The following KPNA4 variants were observed in gnomAD, a reference collection of about 807,000 sequenced individuals.
The protein encoded by KPNA4 is importin subunit alpha-3.
KPNA4 carries 13 observed loss-of-function variants against 71.3 expected under a neutral mutation model. The observed-to-expected ratio is 0.18, with a 90% CI of 0.12 to 0.29. KPNA4 has a LOEUF of 0.29. Ranked by LOEUF, KPNA4 falls within the 10% of genes least tolerant of loss-of-function variation. KPNA4 has a pLI of 1.00. For synonymous variants in KPNA4, 189 were observed against 195.2 expected (o/e 0.97, Z 0.26); for missense variants, 334 against 603.2 (o/e 0.55, Z 4.67).
At chr3:160,508,024 T>A in intron 15 of KPNA4, 83 bp downstream of exon 15, 1 of 1,038,252 alleles carries the variant, frequency 9.6e-7, no homozygotes, top group Non-Finnish European at 1.4e-6. Context: ...CAGAAAAATA[T>A]AGATGTGCTA....
In KPNA4 at chr3:160,499,292, C is replaced by T. The variant is rs1720831757; in HGVS notation, c.*2812G>A. ...TTTAAAGATAGATTTTAGACTAGGG[C>T]GTCTCACACACCCCTAATATAACAT... is the stretch of plus-strand genomic sequence containing the variant. On this transcript the variant is annotated 3_prime_UTR_variant, in exon 17 of 17. Transcript: ENST00000334256. The T allele has an allele frequency of 6.6e-6, 1 of 152,038 alleles. No homozygotes were observed. The allele number at this position is 152,038 out of a possible 1,614,324, so 9.4% of individuals were successfully genotyped here.
Position 160,509,885 on chromosome 3 carries a change from A to G in KPNA4, c.1138-14T>C. 1 of 1,592,128 alleles carries G rather than the reference A, an allele frequency of 6.3e-7. No homozygotes were observed. The highest frequency in any genetic ancestry group is 8.6e-7 in the Non-Finnish European group (1 of 1,161,596). ...GCCAAAATCCCCCTGTAAAAAGGCA[A>G]AACAAAGGCTATAAAAATTGCCACA... On this transcript the variant is annotated splice_polypyrimidine_tract_variant and intron_variant, in intron 13 of 16. Transcript: ENST00000334256.
chr3:160,548,147 G>GA (rs1317248044), intron 1 of KPNA4, among the ~76,000 whole-genome samples: 1 of 152,116 alleles, frequency 6.6e-6, no homozygotes, highest in Non-Finnish European at 1.5e-5. Flanking sequence ...AACCAACAAT[G>GA]AATCAGAGTT....
At chr3:160,518,639 C>T (rs1043278186) in intron 11 of KPNA4, among the ~76,000 whole-genome samples, 1 of 151,536 alleles carries the variant, frequency 6.6e-6, no homozygotes, top group African/African-American at 2.4e-5. Flanking sequence ...GCGGGTGGAT[C>T]ACCTGAGGTC....
chr3:160,562,519 CTGA>C (rs1186655536), intron 1 of KPNA4, among the ~76,000 whole-genome samples: 1 of 152,094 alleles, frequency 6.6e-6, no homozygotes, highest in African/African-American at 2.4e-5. Flanking sequence ...TGTAAGTAGG[CTGA>C]TAAGTGCTTA....
At position 160,510,225 on chromosome 3, in the gene KPNA4, A is replaced by C. The variant is rs1037762078; in HGVS notation, c.1138-354T>G. Among the ~76,000 whole-genome samples the C allele has an allele frequency of 2.6e-5, 4 of 152,298 alleles. No homozygotes were observed. In the South Asian group the frequency reaches 8.3e-4, roughly 32 times the overall value. On this transcript the variant is annotated intron_variant, in intron 13 of 16. Transcript: ENST00000334256. ...AAACGAACATATTCTTTTACACACA[A>C]AGCTTTTACACACAAAAATGATACC...
intron 8 of KPNA4, 41 bp from the exon 9 acceptor site, chr3:160,526,148 G>T (rs779036792): frequency 3.6e-6 from 5 of 1,383,898 alleles, no homozygotes; most frequent in Non-Finnish European, 4.8e-6. Flanking sequence ...AAAACATACT[G>T]ACAGTAAGCA....
rs2108548762 is a variant in KPNA4 at position 160,521,910 on chromosome 3, T to A, written c.772A>T (p.Ile258Leu). 1 of 1,590,714 alleles carries A rather than the reference T, an allele frequency of 6.3e-7. No individual in the cohort carries two copies. The highest frequency in any genetic ancestry group is 2.2e-5 in the East Asian group (1 of 44,780). Reference protein sequence around the residue: ...CVLIHHTDVNILVDTVWALSY... With the variant: ...CVLIHHTDVNLLVDTVWALSY... ...AGGGCCCAGACTGTGTCTACCAGTATCTAATGAATAAAATAAAAATTCAAA... is the reference window on the plus strand; with the variant it reads ...AGGGCCCAGACTGTGTCTACCAGTAACTAATGAATAAAATAAAAATTCAAA... The change falls in exon 11 of 17, where the codon ATA becomes TTA. Residue 258 changes from isoleucine (I) to leucine (L), a missense_variant and splice_region_variant. Coordinates refer to ENST00000334256, the MANE Select transcript of KPNA4 (RefSeq NM_002268.5).
At position 160,496,792 on chromosome 3, in the gene KPNA4, G is replaced by C. The variant is rs1197410245; in HGVS notation, c.*5312C>G. On this transcript the variant is annotated 3_prime_UTR_variant, in exon 17 of 17. Transcript: ENST00000334256. ...CCTCTGGTGGGAGGTAGATCATAAAGAATCTGTAGAACCATTTACTTTTCC... is the reference window on the plus strand; with the variant it reads ...CCTCTGGTGGGAGGTAGATCATAAACAATCTGTAGAACCATTTACTTTTCC... 3 of 152,144 alleles carry C rather than the reference G, an allele frequency of 2.0e-5. No homozygotes were observed. Among genetic ancestry groups the C allele is most frequent in the African/African-American group, 4.8e-5 (2 of 41,436 alleles). 9.4% of individuals were successfully genotyped at this position (152,144 alleles called of 1,614,324 possible).
Position 160,508,608 on chromosome 3 carries a change from G to A in KPNA4, c.1210-339C>T, listed in dbSNP as rs548673471. 1.3e-4 allele frequency among the ~76,000 whole-genome samples: 19 copies of A among 151,626 alleles called. No individual in the cohort carries two copies. In the South Asian group the frequency reaches 3.5e-3, roughly 28 times the overall value. On this transcript the variant is annotated intron_variant, in intron 14 of 16. Transcript: ENST00000334256. Reference sequence around the variant, plus strand: ...GTTAAGGAGGCTGTTAATGGAGGCTGTATGCTATTTTTAATTTAATTAATT... The same window carrying A: ...GTTAAGGAGGCTGTTAATGGAGGCTATATGCTATTTTTAATTTAATTAATT...
chr3:160,507,432 AG>A (rs1196598577), intron 15 of KPNA4, among the ~76,000 whole-genome samples: 5 of 149,812 alleles, frequency 3.3e-5, no homozygotes, highest in South Asian at 2.2e-4. Flanking sequence ...CCTGGGAGAC[AG>A]AGGTTGCAGT....
At chr3:160,548,117 T>C (rs1297389473) in intron 1 of KPNA4, among the ~76,000 whole-genome samples, 3 of 152,140 alleles carry the variant, frequency 2.0e-5, no homozygotes, top group African/African-American at 4.8e-5. Context: ...CTCAAAGTGA[T>C]TGTACCATTT....
chr3:160,500,690 C>T lies in KPNA4; in HGVS notation c.*1414G>A, dbSNP rs1377625335. 2 of 152,502 alleles carry T rather than the reference C, an allele frequency of 1.3e-5. No homozygotes were observed. The highest frequency in any genetic ancestry group is 1.5e-5 in the Non-Finnish European group (1 of 68,016). The allele number at this position is 152,502 out of a possible 1,614,324, so 9.4% of individuals were successfully genotyped here. ...GCTCAAAATAGATTGTTCATGGCTG[C>T]CTACATCTAAGATAAAAAGATTCTA... On this transcript the variant is annotated 3_prime_UTR_variant, in exon 17 of 17. Transcript: ENST00000334256.
intron 1 of KPNA4, among the ~76,000 whole-genome samples, chr3:160,556,875 T>C (rs375072100): frequency 1.1e-4 from 16 of 152,334 alleles, no homozygotes; most frequent in South Asian, 4.1e-4. Context: ...TCTATAGATA[T>C]ATCTGTAGTA....
intron 1 of KPNA4, among the ~76,000 whole-genome samples, chr3:160,558,857 G>T (rs927581331): frequency 6.6e-6 from 1 of 152,126 alleles, no homozygotes; most frequent in African/African-American, 2.4e-5. Context: ...TGCAATAGTT[G>T]TCACTGATTT....
intron 15 of KPNA4, among the ~76,000 whole-genome samples, chr3:160,507,390 C>T (rs1721007061): frequency 6.6e-6 from 1 of 151,304 alleles, no homozygotes; most frequent in Admixed American, 6.6e-5. Flanking sequence ...ATCCCAGCTA[C>T]TCAGGAGGCT....
chr3:160,541,649 G>GCACGCA (rs1553787452), intron 1 of KPNA4, among the ~76,000 whole-genome samples: 5 of 146,648 alleles, frequency 3.4e-5, no homozygotes, highest in African/African-American at 1.3e-4. Flanking sequence ...TTATATACGC[G>GCACGCA]CACACACACA....
chr3:160,536,754 T>G, intron 2 of KPNA4, 42 bp downstream of exon 2: 1 of 1,235,216 alleles, frequency 8.1e-7, no homozygotes, highest in Non-Finnish European at 1.2e-6. Flanking sequence ...TATAATGTTG[T>G]TAGAATTATG....
chr3:160,520,581 T>C (rs1413721568), intron 11 of KPNA4, among the ~76,000 whole-genome samples: 2 of 151,672 alleles, frequency 1.3e-5, no homozygotes, highest in Non-Finnish European at 2.9e-5. Flanking sequence ...ATTCTTTCTG[T>C]ATTTAGCTAA....
Sources: allele counts gnomAD v4.1 joint callset (sites outside exome capture counted in the v4.1 genomes callset), GRCh38; gene constraint gnomAD v4.1.1; transcripts MANE v1.5; gene names NCBI Gene and HGNC (gene_info 2026-07-23, HGNC 2026-07-21).